Variants in POLH observed in about 807,000 individuals in gnomAD.
The protein encoded by POLH is DNA polymerase eta transcript.
A neutral mutation model predicts 73.6 loss-of-function variants in POLH; 53 were observed. That is an observed-to-expected ratio of 0.72 (90% CI 0.58 to 0.91). The LOEUF is 0.91. Ranked by LOEUF, POLH falls within the 40% of genes least tolerant of loss-of-function variation. The pLI is 0.00. For synonymous variants in POLH, 292 were observed against 308.5 expected, an observed-to-expected ratio of 0.95 and a Z score of 0.56; for missense variants, 768 against 865.4, an observed-to-expected ratio of 0.89 and a Z score of 1.41.
chr6:43,592,808 A>G (rs1414508243), intron 4 of POLH, among the ~76,000 whole-genome samples: 4 of 152,334 alleles, frequency 2.6e-5, no homozygotes, highest in South Asian at 2.1e-4. Context: ...AAACTTTCCC[A>G]TCATTGCCAT....
chr6:43,582,940 A>C, intron 2 of POLH, 67 bp from the exon 3 acceptor site: 1 of 1,354,616 alleles, frequency 7.4e-7, no homozygotes, highest in Non-Finnish European at 1.0e-6. Flanking sequence ...TACTTGTGTT[A>C]AATGTTACTT....
At chr6:43,597,922 T>A in intron 5 of POLH, 57 bp downstream of exon 5, 1 of 1,421,536 alleles carries the variant, frequency 7.0e-7, no homozygotes, top group Non-Finnish European at 9.9e-7. Context: ...TCAAATACAG[T>A]AGGGACAGTG....
intron 9 of POLH, among the ~76,000 whole-genome samples, chr6:43,606,595 AT>A (rs1233391626): frequency 6.6e-6 from 1 of 151,692 alleles, no homozygotes; most frequent in African/African-American, 2.4e-5. Context: ...TACCCAGCTA[AT>A]TTTTTTATTT....
intron 7 of POLH, among the ~76,000 whole-genome samples, 166 bp downstream of exon 7, chr6:43,604,177 A>G (rs185082815): frequency 1.6e-4 from 25 of 152,316 alleles, no homozygotes; most frequent in Admixed American, 6.5e-4. Flanking sequence ...ACTATGGCCC[A>G]TCAGTCTAGA....
rs1766246614 is a variant in POLH, at chr6:43,597,715, C to T, written c.510C>T (p.Gly170=). 1 of 1,613,954 alleles carries T rather than the reference C, an allele frequency of 6.2e-7. No homozygotes were observed. The highest frequency in any genetic ancestry group is 8.5e-7 in the Non-Finnish European group (1 of 1,179,888). ...TVQKEGMRKQ[G]LFQWLDSLQI... ...TTTCAGAGGGGATGCGAAAACAAGG[C>T]TTATTTCAATGGCTCGATTCTCTTC... The change falls in exon 5 of 11, where the codon GGC becomes GGT. Residue 170 remains glycine, a synonymous_variant. Coordinates refer to ENST00000372236, the MANE Select transcript of POLH (RefSeq NM_006502.3).
chr6:43,604,087 A>G (rs1767018624), intron 7 of POLH, 76 bp downstream of exon 7: 2 of 1,184,544 alleles, frequency 1.7e-6, no homozygotes, highest in Admixed American at 1.7e-5. Flanking sequence ...ACCATCTAGT[A>G]AAATCCAGAC....
chr6:43,579,083 A>G lies in POLH; in HGVS notation c.-5+2643A>G, dbSNP rs183737448. On this transcript the variant is annotated intron_variant, in intron 1 of 10. Coordinates refer to ENST00000372236, the MANE Select transcript of POLH (RefSeq NM_006502.3). The stretch of plus-strand genomic sequence containing the variant: ...GATATATGTATGTTAGTTTTTGTCC[A>G]CGGTTCCTAGCTCATAACTCCCCTA... Among the ~76,000 whole-genome samples the G allele has an allele frequency of 2.6e-5, 4 of 152,284 alleles. No homozygotes were observed. In the East Asian group the frequency reaches 7.7e-4, roughly 29 times the overall value.
chr6:43,584,033 CT>C (rs1213092474), intron 3 of POLH, among the ~76,000 whole-genome samples: 1 of 152,166 alleles, frequency 6.6e-6, no homozygotes, highest in Admixed American at 6.5e-5. Context: ...GTCCCGGCTA[CT>C]CAGGAAGCTG....
chr6:43,592,838 C>T (rs1446808011), intron 4 of POLH, among the ~76,000 whole-genome samples: 1 of 152,184 alleles, frequency 6.6e-6, no homozygotes, highest in Non-Finnish European at 1.5e-5. Context: ...GGTTTGTTAG[C>T]TAAGGGCCTT....
At chr6:43,605,224 T>A in intron 8 of POLH, 30 bp from the exon 9 acceptor site, 1 of 1,353,762 alleles carries the variant, frequency 7.4e-7, no homozygotes. Context: ...AGTGTTTAAA[T>A]GAAAGATTAA....
chr6:43,620,523 A>G lies in POLH; in HGVS notation c.*5966A>G. Reference sequence around the variant, plus strand: ...ATAAAACATTTTTATTCTGTACAATATATATGTGTATTTAAATATATATAC... The same window carrying G: ...ATAAAACATTTTTATTCTGTACAATGTATATGTGTATTTAAATATATATAC... On this transcript the variant is annotated 3_prime_UTR_variant, in exon 11 of 11. Transcript: ENST00000372236. 4.6e-6 allele frequency: 1 copy of G among 216,246 alleles called. No homozygotes were observed. Among genetic ancestry groups the G allele is most frequent in the Non-Finnish European group, 9.4e-6 (1 of 106,626 alleles). 13.4% of individuals were successfully genotyped at this position (216,246 alleles called of 1,614,324 possible). A position where few individuals can be genotyped will look rare whatever the true frequency, so the allele number is the denominator to read the frequency against.
At chr6:43,577,813 G>A (rs1763538497) in intron 1 of POLH, among the ~76,000 whole-genome samples, 3 of 152,200 alleles carry the variant, frequency 2.0e-5, no homozygotes, top group Admixed American at 1.3e-4. Flanking sequence ...GGCCTGGCGC[G>A]GTGGCACACG....
chr6:43,580,464 C>T (rs1227890670), intron 1 of POLH, among the ~76,000 whole-genome samples: 123 of 149,476 alleles, frequency 8.2e-4, no homozygotes, highest in African/African-American at 2.8e-3. Flanking sequence ...CAGAGGGGCT[C>T]CTCACTTCCC....
chr6:43,583,253 CT>C, intron 3 of POLH, 112 bp downstream of exon 3: 1 of 986,154 alleles, frequency 1.0e-6, no homozygotes, highest in South Asian at 1.4e-5. Flanking sequence ...GGAAAAAATT[CT>C]TTTTGGTTAG....
At position 43,587,421 on chromosome 6, in the gene POLH, T is replaced by C; in HGVS notation, c.422T>C (p.Leu141Ser). ...KLQGQPISAD[L>S]LPSTYIEGLP... Reference sequence around the variant, plus strand: ...CAAGGTCAGCCTATCTCGGCAGACTTGTTGCCAAGCACTTACATTGAAGGG... The same window carrying C: ...CAAGGTCAGCCTATCTCGGCAGACTCGTTGCCAAGCACTTACATTGAAGGG... Residue 141 changes from leucine to serine, a missense_variant, in exon 4 of 11, where the codon TTG becomes TCG. Leu to Ser is a moderately radical substitution (Grantham distance 145). Transcript: ENST00000372236. The C allele has an allele frequency of 6.2e-7, 1 of 1,614,232 alleles. No homozygotes were observed. Among genetic ancestry groups the C allele is most frequent in the South Asian group, 1.1e-5 (1 of 91,086 alleles).
intron 1 of POLH, among the ~76,000 whole-genome samples, chr6:43,579,064 T>C (rs1425561578): frequency 6.6e-6 from 1 of 152,208 alleles, no homozygotes; most frequent in Non-Finnish European, 1.5e-5. Flanking sequence ...TTGTGATATA[T>C]GTATGTTAGT....
At chr6:43,582,214 C>A in intron 1 of POLH, 102 bp from the exon 2 acceptor site, 1 of 1,057,618 alleles carries the variant, frequency 9.5e-7, no homozygotes, top group African/African-American at 1.6e-5. Context: ...TTCCATGCTC[C>A]CATGCTCATG....
chr6:43,590,458 TTG>T (rs1338348443), intron 4 of POLH, among the ~76,000 whole-genome samples: 6 of 151,860 alleles, frequency 4.0e-5, no homozygotes, highest in African/African-American at 1.5e-4. Flanking sequence ...GGTTTTTTTT[TTG>T]TTTTGGTTTT....
Position 43,617,292 on chromosome 6 carries a change from C to T in POLH, c.*2735C>T, listed in dbSNP as rs769693527. The stretch of plus-strand genomic sequence containing the variant: ...AACTTATTAGAAATAGTCTCAGCCT[C>T]ACCACTATTCCCACTTAATTGTAAT... On this transcript the variant is annotated 3_prime_UTR_variant, in exon 11 of 11. Transcript: ENST00000372236. 6.6e-6 allele frequency among the ~76,000 whole-genome samples: 1 copy of T among 152,170 alleles called. No homozygotes were observed. Among genetic ancestry groups the T allele is most frequent in the African/African-American group, 2.4e-5 (1 of 41,432 alleles).
Sources: allele counts gnomAD v4.1 joint callset (sites outside exome capture counted in the v4.1 genomes callset), GRCh38; gene constraint gnomAD v4.1.1; transcripts MANE v1.5; gene names NCBI Gene and HGNC (gene_info 2026-07-23, HGNC 2026-07-21).